Variants in CSMD1 observed in about 807,000 individuals in gnomAD.
The protein encoded by CSMD1 is CUB and sushi domain-containing protein 1.
In CSMD1, 213 loss-of-function variants were observed where a neutral mutation model predicts 417.5. That is an observed-to-expected ratio of 0.51 (90% CI 0.46 to 0.57). The LOEUF (loss-of-function observed/expected upper bound fraction) is 0.57, where lower values mean the gene tolerates loss of function less well. Ranked by LOEUF, CSMD1 falls within the 20% of genes least tolerant of loss-of-function variation. CSMD1 has a pLI of 0.00. For synonymous variants in CSMD1, 2,862 were observed against 1,736.8 expected (o/e 1.65, Z -16.11); for missense variants, 6,923 against 4,529.7 (o/e 1.53, Z -15.17).
At chr8:4,713,718 C>T (rs1041709561) in intron 1 of CSMD1, among the ~76,000 whole-genome samples, 2 of 152,212 alleles carry the variant, frequency 1.3e-5, no homozygotes, top group African/African-American at 4.8e-5. Context: ...GCCTCCTCCC[C>T]AAACCCCAAA....
intron 40 of CSMD1, among the ~76,000 whole-genome samples, chr8:3,145,112 G>C (rs1818766954): frequency 6.6e-6 from 1 of 151,976 alleles, no homozygotes; most frequent in Admixed American, 6.6e-5. Context: ...ACTGCCTTAT[G>C]AACATTGAAT....
chr8:3,434,324 G>A (rs1485970840), intron 12 of CSMD1, among the ~76,000 whole-genome samples: 1 of 152,114 alleles, frequency 6.6e-6, no homozygotes. Context: ...ACCAGTAGAT[G>A]TTCCTATATG....
chr8:4,077,643 A>T (rs1799904374), intron 3 of CSMD1, among the ~76,000 whole-genome samples: 2 of 152,088 alleles, frequency 1.3e-5, no homozygotes, highest in South Asian at 4.1e-4. Context: ...CACCCGGGTG[A>T]CAAAAGGGAG....
intron 3 of CSMD1, among the ~76,000 whole-genome samples, chr8:4,279,231 C>T (rs186463752): frequency 6.6e-6 from 1 of 151,676 alleles, no homozygotes; most frequent in Non-Finnish European, 1.5e-5. Flanking sequence ...ATTAAGCAGT[C>T]GATGGCACAA....
At chr8:4,101,083 A>C (rs992791275) in intron 3 of CSMD1, among the ~76,000 whole-genome samples, 5 of 152,208 alleles carry the variant, frequency 3.3e-5, no homozygotes, top group Non-Finnish European at 7.3e-5. Context: ...CGCTGGGTTC[A>C]GAACTATGCA....
chr8:4,273,239 A>T (rs1440844136), intron 3 of CSMD1, among the ~76,000 whole-genome samples: 1 of 152,182 alleles, frequency 6.6e-6, no homozygotes, highest in African/African-American at 2.4e-5. Flanking sequence ...AATATAACTT[A>T]TAAAAAGGCA....
intron 10 of CSMD1, among the ~76,000 whole-genome samples, chr8:3,562,478 C>T (rs1327132456): frequency 2.2e-5 from 3 of 133,966 alleles, no homozygotes; most frequent in African/African-American, 5.4e-5. Context: ...CACACACACA[C>T]ATTAAGGTTG....
chr8:3,589,684 C>G (rs545223452), intron 8 of CSMD1, among the ~76,000 whole-genome samples: 2 of 152,112 alleles, frequency 1.3e-5, no homozygotes, highest in Non-Finnish European at 2.9e-5. Context: ...ATCTACTACA[C>G]AGCATGGTGA....
In CSMD1 at chr8:4,516,314, C is replaced by T. The variant is rs563397565; in HGVS notation, c.303-96249G>A. ...ACTGACACCGTGATCTTGGACTTCTCGATTCCAAAATTAAGAAGAAACAGA... is the reference window on the plus strand; with the variant it reads ...ACTGACACCGTGATCTTGGACTTCTTGATTCCAAAATTAAGAAGAAACAGA... On this transcript the variant is annotated intron_variant, in intron 2 of 69. Transcript: ENST00000635120. Among the ~76,000 whole-genome samples the T allele has an allele frequency of 3.9e-5, 6 of 152,220 alleles. No homozygotes were observed. The South Asian group carries it at 6.2e-4, about 16-fold the overall frequency.
intron 12 of CSMD1, among the ~76,000 whole-genome samples, chr8:3,439,924 T>C (rs78752344): frequency 0.015 from 2,264 of 152,312 alleles, 57 homozygotes; most frequent in African/African-American, 0.05. Flanking sequence ...TCTTCCTCCA[T>C]TGAATTGCTT....
At chr8:3,452,132 T>C (rs982603985) in intron 12 of CSMD1, among the ~76,000 whole-genome samples, 3 of 152,242 alleles carry the variant, frequency 2.0e-5, no homozygotes, top group African/African-American at 7.2e-5. Flanking sequence ...GTTATTGTTT[T>C]ATAAGAATGC....
chr8:4,139,533 C>T (rs575895362), intron 3 of CSMD1, among the ~76,000 whole-genome samples: 3 of 151,064 alleles, frequency 2.0e-5, no homozygotes, highest in East Asian at 3.9e-4. Flanking sequence ...AGGGGAGTGG[C>T]ACTCATCCTG....
chr8:4,506,124 C>T (rs886842933), intron 2 of CSMD1, among the ~76,000 whole-genome samples: 1 of 152,170 alleles, frequency 6.6e-6, no homozygotes, highest in African/African-American at 2.4e-5. Context: ...GAGTTGCCAA[C>T]AGCCCAGTTA....
chr8:4,821,431 T>A (rs891858683), intron 1 of CSMD1, among the ~76,000 whole-genome samples: 2 of 152,126 alleles, frequency 1.3e-5, no homozygotes, highest in Non-Finnish European at 2.9e-5. Flanking sequence ...GATAGAAAAT[T>A]AAGGTAAAAA....
chr8:3,939,693 A>G (rs1380401495), intron 5 of CSMD1, among the ~76,000 whole-genome samples: 1 of 152,180 alleles, frequency 6.6e-6, no homozygotes, highest in Admixed American at 6.6e-5. Context: ...GCCACATAAA[A>G]AGGAAAAAAC....
intron 3 of CSMD1, among the ~76,000 whole-genome samples, chr8:4,321,401 A>G (rs1429196006): frequency 6.6e-6 from 1 of 152,074 alleles, no homozygotes; most frequent in Non-Finnish European, 1.5e-5. Context: ...AGTTTTTTTC[A>G]TCCCAAACCT....
At chr8:4,792,894 C>G (rs1428858063) in intron 1 of CSMD1, among the ~76,000 whole-genome samples, 1 of 151,810 alleles carries the variant, frequency 6.6e-6, no homozygotes, top group Non-Finnish European at 1.5e-5. Context: ...TCTCTGCCAG[C>G]ACATTTGAGT....
chr8:3,599,213 C>T (rs1259892913), intron 8 of CSMD1, among the ~76,000 whole-genome samples: 1 of 150,452 alleles, frequency 6.6e-6, no homozygotes, highest in Non-Finnish European at 1.5e-5. Flanking sequence ...TTTAAAGGTC[C>T]TAAATGATAA....
intron 46 of CSMD1, among the ~76,000 whole-genome samples, chr8:3,105,646 T>G (rs1816083689): frequency 6.6e-6 from 1 of 152,234 alleles, no homozygotes; most frequent in Non-Finnish European, 1.5e-5. Flanking sequence ...TCTACATATG[T>G]TAAACATATG....
Sources: allele counts gnomAD v4.1 joint callset (sites outside exome capture counted in the v4.1 genomes callset), GRCh38; gene constraint gnomAD v4.1.1; transcripts MANE v1.5; gene names NCBI Gene and HGNC (gene_info 2026-07-23, HGNC 2026-07-21).